SENP6: variants seen among roughly 807,000 people sequenced by gnomAD.
The protein encoded by SENP6 is SUMO specific peptidase 6, also known as sentrin-specific protease 6.
Under a neutral mutation model 134.5 loss-of-function variants are expected in SENP6, and 41 were observed. The ratio of observed to expected loss-of-function variants is 0.30; its 90% CI spans 0.24 to 0.40. SENP6 has a LOEUF of 0.40. SENP6 is among the 10% of genes least tolerant of loss of function. SENP6 has a pLI of 1.00. For missense variants in SENP6, 1,248 were observed against 1,312.5 expected (o/e 0.95, Z 0.76); for synonymous variants, 395 against 429.8 (o/e 0.92, Z 1.00).
intron 16 of SENP6, among the ~76,000 whole-genome samples, chr6:75,689,024 C>T (rs1441228670): frequency 6.6e-6 from 1 of 152,148 alleles, no homozygotes; most frequent in Non-Finnish European, 1.5e-5. Context: ...CGAGATCATG[C>T]CATTGAACTC....
intron 10 of SENP6, among the ~76,000 whole-genome samples, chr6:75,667,858 A>G (rs1437809339): frequency 6.6e-6 from 1 of 152,212 alleles, no homozygotes; most frequent in Non-Finnish European, 1.5e-5. Context: ...TTGAAAATAA[A>G]AATTAGAACT....
At chr6:75,639,554 T>C (rs1480432748) in intron 5 of SENP6, among the ~76,000 whole-genome samples, 1 of 152,140 alleles carries the variant, frequency 6.6e-6, no homozygotes, top group Non-Finnish European at 1.5e-5. Flanking sequence ...TGCTTACAGT[T>C]AGTTCCAAAT....
intron 16 of SENP6, among the ~76,000 whole-genome samples, chr6:75,693,995 G>A (rs552217530): frequency 6.6e-6 from 1 of 152,258 alleles, no homozygotes; most frequent in South Asian, 2.1e-4. Context: ...GGTGGCTCAC[G>A]CCTGTAATCC....
At chr6:75,673,423 C>T (rs1045215218) in intron 11 of SENP6, among the ~76,000 whole-genome samples, 8 of 147,498 alleles carry the variant, frequency 5.4e-5, no homozygotes, top group South Asian at 2.2e-4. Context: ...TCACGGGTTC[C>T]GGCAATTCTC....
intron 16 of SENP6, among the ~76,000 whole-genome samples, chr6:75,684,148 T>C (rs948792826): frequency 2.5e-4 from 38 of 152,322 alleles, no homozygotes; most frequent in Admixed American, 2.4e-3. Context: ...TATTTTATTC[T>C]CTTTGTAGCA....
At chr6:75,672,968 C>T (rs1290265882) in intron 11 of SENP6, among the ~76,000 whole-genome samples, 1 of 152,186 alleles carries the variant, frequency 6.6e-6, no homozygotes, top group South Asian at 2.1e-4. Context: ...GCTGGGACTA[C>T]AGGCACCGGC....
At chr6:75,695,448 G>A (rs1331234191) in intron 16 of SENP6, among the ~76,000 whole-genome samples, 2 of 152,146 alleles carry the variant, frequency 1.3e-5, no homozygotes, top group Admixed American at 6.6e-5. Flanking sequence ...AATACAAAGC[G>A]AACTGTGGCC....
intron 3 of SENP6, among the ~76,000 whole-genome samples, chr6:75,630,483 T>C (rs1053805726): frequency 6.6e-6 from 1 of 152,236 alleles, no homozygotes; most frequent in Non-Finnish European, 1.5e-5. Flanking sequence ...CCCTTACTTA[T>C]GTCTCTCTGG....
intron 3 of SENP6, among the ~76,000 whole-genome samples, chr6:75,630,069 T>A (rs1308830561): frequency 3.5e-5 from 4 of 113,602 alleles, no homozygotes; most frequent in Admixed American, 8.8e-5. Flanking sequence ...TTGTGATAAC[T>A]TTTTTTTTTT....
chr6:75,623,524 C>T (rs932746114), intron 2 of SENP6, among the ~76,000 whole-genome samples: 2 of 151,972 alleles, frequency 1.3e-5, no homozygotes, highest in Non-Finnish European at 2.9e-5. Context: ...TATCTTTCTA[C>T]CCTTAATTTT....
Position 75,717,863 on chromosome 6 carries a change from T to C in SENP6, c.*2269T>C, listed in dbSNP as rs1562087176. On this transcript the variant is annotated 3_prime_UTR_variant, in exon 24 of 24. Transcript: ENST00000447266. Reference sequence around the variant, plus strand: ...CAGTTAATCATTTTTAGAAGAGTTTTAGATTACTTGCCATAAAATTTGTAT... The same window carrying C: ...CAGTTAATCATTTTTAGAAGAGTTTCAGATTACTTGCCATAAAATTTGTAT... 1.3e-5 allele frequency: 2 copies of C among 152,194 alleles called. No homozygotes were observed. 9.4% of individuals were successfully genotyped at this position (152,194 alleles called of 1,614,324 possible).
chr6:75,696,666 A>G (rs1774686159), intron 17 of SENP6, among the ~76,000 whole-genome samples: 1 of 152,128 alleles, frequency 6.6e-6, no homozygotes, highest in Non-Finnish European at 1.5e-5. Flanking sequence ...TTGTGGAGAC[A>G]GGGTTTCACC....
chr6:75,694,375 G>T (rs1222110854), intron 16 of SENP6, among the ~76,000 whole-genome samples: 1 of 152,142 alleles, frequency 6.6e-6, no homozygotes, highest in Non-Finnish European at 1.5e-5. Context: ...TATGCTGCTG[G>T]ATCTTCGTGG....
At chr6:75,643,372 CAA>C (rs199710933) in intron 6 of SENP6, among the ~76,000 whole-genome samples, 1 of 151,820 alleles carries the variant, frequency 6.6e-6, no homozygotes, top group Non-Finnish European at 1.5e-5. Flanking sequence ...GAGATGCAAA[CAA>C]AAAGAAAGCA....
intron 16 of SENP6, among the ~76,000 whole-genome samples, chr6:75,681,069 A>T (rs186133098): frequency 1.6e-4 from 25 of 152,328 alleles, no homozygotes; most frequent in Non-Finnish European, 3.2e-4. Context: ...AGAAGACACA[A>T]ATGTCAGAAT....
chr6:75,695,472 C>CA (rs1243341403), intron 16 of SENP6, among the ~76,000 whole-genome samples: 2 of 152,208 alleles, frequency 1.3e-5, no homozygotes, highest in African/African-American at 2.4e-5. Context: ...CGCCATGGCT[C>CA]ACGCCTGTAA....
intron 16 of SENP6, among the ~76,000 whole-genome samples, chr6:75,688,857 C>T (rs556173092): frequency 6.6e-6 from 1 of 152,350 alleles, no homozygotes; most frequent in South Asian, 2.1e-4. Flanking sequence ...CATCTGAGGT[C>T]AGGAGGTGAA....
intron 9 of SENP6, among the ~76,000 whole-genome samples, chr6:75,664,183 C>T (rs888364986): frequency 1.3e-5 from 2 of 151,552 alleles, no homozygotes; most frequent in Non-Finnish European, 2.9e-5. Flanking sequence ...CCCAACTACT[C>T]AGGAGACTGA....
chr6:75,638,622 A>ATTTT (rs57353168), intron 5 of SENP6, among the ~76,000 whole-genome samples: 1 of 29,892 alleles, frequency 3.3e-5, no homozygotes, highest in African/African-American at 1.3e-4. Flanking sequence ...ATATATATAT[A>ATTTT]TTTTTTTTTT....
Sources: allele counts gnomAD v4.1 joint callset (sites outside exome capture counted in the v4.1 genomes callset), GRCh38; gene constraint gnomAD v4.1.1; transcripts MANE v1.5; gene names NCBI Gene and HGNC (gene_info 2026-07-23, HGNC 2026-07-21).